Variants in PVT1 observed in about 807,000 individuals in gnomAD.
PVT1 encodes the protein CXCR4/PVT1 fusion.
chr8:127,839,437 C>T (rs528701481), intron 2 of PVT1, among the ~76,000 whole-genome samples: 1 of 151,890 alleles, frequency 6.6e-6, no homozygotes, highest in Non-Finnish European at 1.5e-5. Context: ...GTGGTCCCAG[C>T]TGCCCAGAAG....
At chr8:127,998,027 C>G (rs1355019525) in intron 4 of PVT1, among the ~76,000 whole-genome samples, 1 of 152,182 alleles carries the variant, frequency 6.6e-6, no homozygotes, top group South Asian at 2.1e-4. Flanking sequence ...AGGAAGGCCA[C>G]AGAGGTAAAG....
intron 4 of PVT1, among the ~76,000 whole-genome samples, chr8:128,053,007 C>A (rs1263368885): frequency 6.6e-6 from 1 of 152,220 alleles, no homozygotes; most frequent in Non-Finnish European, 1.5e-5. Context: ...CTAGTAACCA[C>A]CCCAGCAAAG....
intron 2 of PVT1, among the ~76,000 whole-genome samples, chr8:127,868,529 G>T (rs1174785335): frequency 1.3e-5 from 2 of 151,314 alleles, no homozygotes; most frequent in African/African-American, 4.9e-5. Flanking sequence ...CTGGGGTTAC[G>T]GGTGCATGCC....
rs1702991127 is a variant in PVT1, at chr8:127,898,199, G to GAAGAAAGAAGAGAAAAGAAAGAAAAGA, written n.782+7211_782+7237dup. ...TATACTCTGTCCTTTGTACCTGCGT[G>GAAGAAAGAAGAGAAAAGAAAGAAAAGA]AAGAAAGAAGAGAAAAGAAAGAAAA... On this transcript the variant is annotated intron_variant and non_coding_transcript_variant, in intron 3 of 10. Coordinates refer to ENST00000651587, the Ensembl canonical transcript of PVT1. This position sits in a 1 kb window ranked among gnomAD's most constrained non-coding sequence, Gnocchi z 4.4. 2.6e-5 allele frequency among the ~76,000 whole-genome samples: 4 copies of GAAGAAAGAAGAGAAAAGAAAGAAAAGA among 151,040 alleles called. No individual in the cohort carries two copies. In the South Asian group the frequency reaches 8.4e-4, roughly 32 times the overall value.
Position 128,004,848 on chromosome 8 carries a change from A to G in PVT1, n.912+15557A>G, listed in dbSNP as rs534072586. 3.9e-5 allele frequency among the ~76,000 whole-genome samples: 6 copies of G among 152,288 alleles called. No homozygotes were observed. In the East Asian group the frequency reaches 1.2e-3, roughly 29 times the overall value. On this transcript the variant is annotated intron_variant and non_coding_transcript_variant, in intron 4 of 10. Transcript: ENST00000651587. ...TAAAGTGACATGAAATTGATTATAA[A>G]ATACAACACAGGCTGGGCACAGTGG...
At position 127,950,625 on chromosome 8, in the gene PVT1, C is replaced by A. The variant is rs1231323822; in HGVS notation, n.783-38537C>A. Among the ~76,000 whole-genome samples, 3 of 152,188 alleles carry A rather than the reference C, an allele frequency of 2.0e-5. No individual in the cohort carries two copies. The East Asian group carries it at 5.8e-4, about 29-fold the overall frequency. ...TTGGGGGATGGGAAGAGACAGCTGGCAGTCACTTAGGAGACAGATGTGTCA... is the reference window on the plus strand; with the variant it reads ...TTGGGGGATGGGAAGAGACAGCTGGAAGTCACTTAGGAGACAGATGTGTCA... On this transcript the variant is annotated intron_variant and non_coding_transcript_variant, in intron 3 of 10. Transcript: ENST00000651587.
At chr8:127,907,843 G>A (rs1273830491) in intron 3 of PVT1, among the ~76,000 whole-genome samples, 1 of 152,126 alleles carries the variant, frequency 6.6e-6, no homozygotes, top group Admixed American at 6.5e-5. Context: ...GGATGGTTGG[G>A]TTGGGGATTG....
At chr8:128,021,572 C>T (rs947812339) in intron 4 of PVT1, among the ~76,000 whole-genome samples, 1 of 152,076 alleles carries the variant, frequency 6.6e-6, no homozygotes, top group African/African-American at 2.4e-5. Flanking sequence ...GGATTACAGG[C>T]GTGAGCAACC....
intron 3 of PVT1, among the ~76,000 whole-genome samples, chr8:127,943,273 C>A (rs1159111219): frequency 6.6e-6 from 1 of 152,204 alleles, no homozygotes; most frequent in African/African-American, 2.4e-5. Flanking sequence ...GATCTTAGCA[C>A]CATTTCATGC....
intron 4 of PVT1, among the ~76,000 whole-genome samples, chr8:128,002,991 T>TCCTTCCTTCCTTCCTC: frequency 7.7e-6 from 1 of 130,200 alleles, no homozygotes; most frequent in Non-Finnish European, 1.6e-5. Flanking sequence ...CTTCCTTCCT[T>TCCTTCCTTCCTTCCTC]CCTCCCTTCT....
chr8:127,871,110 G>A (rs962827080), intron 2 of PVT1, among the ~76,000 whole-genome samples: 1 of 152,108 alleles, frequency 6.6e-6, no homozygotes, highest in African/African-American at 2.4e-5. Context: ...TCCTCTGCAA[G>A]GAAAAAATAA....
intron 4 of PVT1, among the ~76,000 whole-genome samples, chr8:128,058,169 T>C (rs532403450): frequency 6.6e-6 from 1 of 152,312 alleles, no homozygotes; most frequent in Non-Finnish European, 1.5e-5. Flanking sequence ...ATAACCCAGT[T>C]CCTAGCTTGT....
At chr8:128,058,378 A>ATG (rs3041914) in intron 4 of PVT1, among the ~76,000 whole-genome samples, 71,356 of 146,418 alleles carry the variant, frequency 0.49, 17,289 homozygotes, top group Middle Eastern at 0.59. Context: ...AAACTGATGC[A>ATG]TGTGTGTGTG....
At chr8:128,017,151 G>A (rs1363622407) in intron 4 of PVT1, among the ~76,000 whole-genome samples, 1 of 152,220 alleles carries the variant, frequency 6.6e-6, no homozygotes, top group Non-Finnish European at 1.5e-5. Flanking sequence ...GGACATATGG[G>A]CAGCTATAGA....
chr8:127,883,129 G>C (rs989281944), intron 2 of PVT1, among the ~76,000 whole-genome samples: 1 of 151,922 alleles, frequency 6.6e-6, no homozygotes, highest in African/African-American at 2.4e-5. Flanking sequence ...GAGAGAGAGA[G>C]AGGAAGGCAC....
intron 5 of PVT1, among the ~76,000 whole-genome samples, chr8:128,076,327 A>G (rs1814089726): frequency 6.6e-6 from 1 of 151,976 alleles, no homozygotes; most frequent in African/African-American, 2.4e-5. Flanking sequence ...ACCCTTCACT[A>G]TATGTTGGGG....
At chr8:128,097,331 C>T (rs1312596781) in intron 6 of PVT1, among the ~76,000 whole-genome samples, 1 of 151,906 alleles carries the variant, frequency 6.6e-6, no homozygotes, top group Admixed American at 6.6e-5. Flanking sequence ...ACTGAACCTC[C>T]AGCCTGGGCG....
At chr8:127,864,096 A>G (rs1815258597) in intron 2 of PVT1, among the ~76,000 whole-genome samples, 1 of 152,192 alleles carries the variant, frequency 6.6e-6, no homozygotes, top group South Asian at 2.1e-4. Context: ...TTTCCTCACA[A>G]GCTGAAGCTT....
At chr8:127,969,431 G>A (rs865836822) in intron 3 of PVT1, among the ~76,000 whole-genome samples, 4 of 152,168 alleles carry the variant, frequency 2.6e-5, no homozygotes, top group Middle Eastern at 3.2e-3. Flanking sequence ...GGCCTTTCCA[G>A]GATGCCTTTT....
Sources: allele counts gnomAD v4.1 joint callset (sites outside exome capture counted in the v4.1 genomes callset), GRCh38; gene constraint gnomAD v4.1.1; non-coding constraint Gnocchi (gnomAD v3.1); transcripts MANE v1.5; gene names NCBI Gene and HGNC (gene_info 2026-07-23, HGNC 2026-07-21).